CFAP20DC: variants seen among roughly 807,000 people sequenced by gnomAD.
CFAP20DC encodes the protein CFAP20 domain containing.
Under a neutral mutation model 101.7 loss-of-function variants are expected in CFAP20DC, and 84 were observed. The ratio of observed to expected loss-of-function variants is 0.83; its 90% CI spans 0.69 to 0.99. The LOEUF is 0.99. Among genes scored for constraint, CFAP20DC ranks in the 50% least tolerant of loss-of-function variants. The probability of loss-of-function intolerance (pLI) is 0.00; values close to 1 mark genes in which losing one functional copy is unlikely to be tolerated. For missense variants in CFAP20DC, 1,007 were observed against 970.3 expected, an observed-to-expected ratio of 1.04 and a Z score of -0.50; for synonymous variants, 359 against 351.2, an observed-to-expected ratio of 1.02 and a Z score of -0.25.
rs775886055 is a variant in CFAP20DC at position 58,869,377 on chromosome 3, T to G, written c.966A>C (p.Gln322His). ...TTTGGTGAATATTTTCTTTATTTCC[T>G]TGTTCCTCAGACTCAGGTATCAGCA... ...SALLIPESEE[Q>H]GNKENIHQIK... Residue 322 changes from glutamine to histidine, a missense_variant, in exon 9 of 17, where the codon CAA (glutamine) becomes CAC (histidine). Physicochemically the swap from Gln to His is conservative, Grantham distance 24 (BLOSUM62 0). Transcript: ENST00000482387. The surrounding 1 kb of genome is among the most constrained non-coding windows in gnomAD (Gnocchi z 4.3). 15 of 1,613,752 alleles carry G rather than the reference T, an allele frequency of 9.3e-6. 1 individual carries two copies. The South Asian group carries it at 9.9e-5, about 11-fold the overall frequency.
intron 14 of CFAP20DC, among the ~76,000 whole-genome samples, chr3:58,814,418 C>T (rs1454231437): frequency 6.6e-6 from 1 of 151,406 alleles, no homozygotes; most frequent in Admixed American, 6.6e-5. Flanking sequence ...TGGGCAAAAA[C>T]TGGAAGCATT....
At chr3:58,813,302 T>C (rs1388967556) in intron 14 of CFAP20DC, among the ~76,000 whole-genome samples, 2 of 151,992 alleles carry the variant, frequency 1.3e-5, no homozygotes, top group African/African-American at 4.8e-5. Flanking sequence ...TTGATCTTTT[T>C]CCTTTGTTCT....
chr3:58,993,708 T>C (rs571411185), intron 4 of CFAP20DC, among the ~76,000 whole-genome samples: 13 of 152,154 alleles, frequency 8.5e-5, no homozygotes, highest in Non-Finnish European at 1.9e-4. Flanking sequence ...CTGCATTAGT[T>C]TGCCGAGGAT....
chr3:59,021,880 TG>T (rs1033909732), intron 4 of CFAP20DC, among the ~76,000 whole-genome samples: 1 of 152,136 alleles, frequency 6.6e-6, no homozygotes, highest in African/African-American at 2.4e-5. Flanking sequence ...CTTTTGCAGT[TG>T]GGTTCCTTAA....
At chr3:58,853,873 A>G (rs1226663878) in intron 12 of CFAP20DC, among the ~76,000 whole-genome samples, 6 of 151,914 alleles carry the variant, frequency 3.9e-5, no homozygotes, top group Non-Finnish European at 8.8e-5. Context: ...CCCACAGCCA[A>G]TATCATACTG....
Position 58,899,687 on chromosome 3 carries a change from C to T in CFAP20DC, c.550+14021G>A, listed in dbSNP as rs528167032. Among the ~76,000 whole-genome samples the T allele has an allele frequency of 7.9e-4, 120 of 152,296 alleles. No homozygotes were observed. The highest frequency in any genetic ancestry group is 2.8e-3 in the African/African-American group (116 of 41,564). ...GAGGGGTGTGGTTTCCTGGGCAGGA[C>T]TGCACAATCACTCACCGCTTCCCTT... On this transcript the variant is annotated intron_variant, in intron 6 of 16. Coordinates refer to ENST00000482387, the MANE Select transcript of CFAP20DC (RefSeq NM_001394063.1). The surrounding 1 kb of genome is among the most constrained non-coding windows in gnomAD (Gnocchi z 5.0).
intron 2 of CFAP20DC, 108 bp downstream of exon 2, chr3:59,047,057 G>A: frequency 1.4e-6 from 1 of 714,686 alleles, no homozygotes; most frequent in South Asian, 1.8e-5. Context: ...GGGTTTTGGA[G>A]TGAAAGAACA....
intron 4 of CFAP20DC, among the ~76,000 whole-genome samples, chr3:58,945,835 T>G (rs1226760858): frequency 6.6e-6 from 1 of 151,690 alleles, no homozygotes; most frequent in African/African-American, 2.4e-5. Context: ...TAACTAGGAC[T>G]ACAGGCGCAC....
At chr3:58,852,949 A>T (rs1289903077) in intron 12 of CFAP20DC, among the ~76,000 whole-genome samples, 5 of 152,054 alleles carry the variant, frequency 3.3e-5, no homozygotes, top group South Asian at 2.1e-4. Context: ...GTAAACACAT[A>T]CGAAAGCTAG....
At chr3:58,806,482 T>C (rs1316817571) in intron 14 of CFAP20DC, 26 bp from the exon 15 acceptor site, 1 of 1,566,436 alleles carries the variant, frequency 6.4e-7, no homozygotes, top group African/African-American at 1.3e-5. Context: ...CATTTGTGAA[T>C]GTTTAATCAG....
chr3:58,906,820 C>T (rs1437837122), intron 6 of CFAP20DC, among the ~76,000 whole-genome samples: 2 of 152,060 alleles, frequency 1.3e-5, no homozygotes, highest in Non-Finnish European at 2.9e-5. Context: ...CCCAGCTCAT[C>T]AGGAGGCTGA....
intron 15 of CFAP20DC, among the ~76,000 whole-genome samples, chr3:58,784,348 A>G (rs1335281195): frequency 2.6e-5 from 4 of 152,068 alleles, no homozygotes; most frequent in African/African-American, 4.8e-5. Context: ...TATAGCAACA[A>G]TAGAAACTGG....
intron 10 of CFAP20DC, among the ~76,000 whole-genome samples, chr3:58,866,943 A>C (rs2079745492): frequency 6.6e-6 from 1 of 152,160 alleles, no homozygotes; most frequent in African/African-American, 2.4e-5. Flanking sequence ...ATGTGATAAA[A>C]AGAATGCCAA....
At position 58,851,393 on chromosome 3, in the gene CFAP20DC, T is replaced by C. The variant is rs1559705111; in HGVS notation, c.1594-1984A>G. On this transcript the variant is annotated intron_variant, in intron 12 of 16. Coordinates refer to ENST00000482387, the MANE Select transcript of CFAP20DC (RefSeq NM_001394063.1). ...ATAGAAGCTGGACTGGTTTGAGAGT[T>C]CAAGTCAGTATGTCAAAGGCAGAGT... is the stretch of plus-strand genomic sequence containing the variant. 2.6e-5 allele frequency among the ~76,000 whole-genome samples: 4 copies of C among 152,142 alleles called. No individual in the cohort carries two copies. The South Asian group carries it at 8.3e-4, about 32-fold the overall frequency.
chr3:58,880,303 T>C (rs545895364), intron 7 of CFAP20DC, among the ~76,000 whole-genome samples: 1 of 152,316 alleles, frequency 6.6e-6, no homozygotes, highest in African/African-American at 2.4e-5. Context: ...TTTCTATCAA[T>C]GAGATCATAC....
At chr3:58,830,131 T>A (rs989107743) in intron 14 of CFAP20DC, among the ~76,000 whole-genome samples, 2 of 152,200 alleles carry the variant, frequency 1.3e-5, no homozygotes, top group Non-Finnish European at 2.9e-5. Context: ...GTATATTTGA[T>A]AGTTGTGTTT....
chr3:58,760,376 A>G (rs1282242125), intron 15 of CFAP20DC, among the ~76,000 whole-genome samples: 5 of 152,202 alleles, frequency 3.3e-5, no homozygotes, highest in Admixed American at 3.3e-4. Flanking sequence ...ATTTTTGCAC[A>G]TCGATTTTGT....
Position 58,849,530 on chromosome 3 carries a change from G to C in CFAP20DC, c.1594-121C>G, listed in dbSNP as rs566799978. 5.2e-5 allele frequency: 38 copies of C among 735,964 alleles called. No individual in the cohort carries two copies. The African/African-American group carries it at 6.6e-4, about 13-fold the overall frequency. The allele number at this position is 735,964 out of a possible 1,614,324, so 45.6% of individuals were successfully genotyped here. A position where few individuals can be genotyped will look rare whatever the true frequency, so the allele number is the denominator to read the frequency against. On this transcript the variant is annotated intron_variant, in intron 12 of 16. Coordinates refer to ENST00000482387, the MANE Select transcript of CFAP20DC (RefSeq NM_001394063.1). ...AATAAAGCAAAAGCATCTATATATAGATTTTACTTTAATCTGCAAAGAAAA... is the reference window on the plus strand; with the variant it reads ...AATAAAGCAAAAGCATCTATATATACATTTTACTTTAATCTGCAAAGAAAA...
chr3:58,826,820 G>A (rs2076071160), intron 14 of CFAP20DC, among the ~76,000 whole-genome samples: 1 of 152,160 alleles, frequency 6.6e-6, no homozygotes, highest in Non-Finnish European at 1.5e-5. Flanking sequence ...ACAGTGGTTG[G>A]CTAATGTCAT....
Sources: gnomAD v4.1 joint callset for allele counts (sites outside exome capture counted in the v4.1 genomes callset) on GRCh38, gnomAD v4.1.1 for gene constraint, Gnocchi (gnomAD v3.1) non-coding constraint, MANE v1.5 for transcripts, NCBI Gene and HGNC (gene_info 2026-07-23, HGNC 2026-07-21) for gene names.